Variants in LATS2 observed in about 807,000 individuals in gnomAD.
LATS2 encodes large tumor suppressor kinase 2.
A neutral mutation model predicts 76.0 loss-of-function variants in LATS2; 24 were observed. That is an observed-to-expected ratio of 0.32 (90% CI 0.23 to 0.44). LATS2 has a LOEUF of 0.44. Among genes scored for constraint, LATS2 ranks in the 20% least tolerant of loss-of-function variants. LATS2 has a pLI of 1.00. For missense variants in LATS2, 1,286 were observed against 1,481.2 expected (o/e 0.87, Z 2.16); for synonymous variants, 692 against 635.4 (o/e 1.09, Z -1.34).
intron 2 of LATS2, among the ~76,000 whole-genome samples, chr13:21,035,627 T>C (rs1173451794): frequency 6.6e-6 from 1 of 152,220 alleles, no homozygotes; most frequent in East Asian, 1.9e-4. Flanking sequence ...CAGTAAACGT[T>C]TGGTGTGACA....
chr13:21,043,867 C>A (rs17061778), intron 2 of LATS2, among the ~76,000 whole-genome samples: 3,687 of 152,230 alleles, frequency 0.024, 130 homozygotes, highest in African/African-American at 0.084. Context: ...TGGTTTGCCT[C>A]CTTTGTCTGC....
intron 2 of LATS2, among the ~76,000 whole-genome samples, chr13:21,031,796 A>T (rs898587765): frequency 6.6e-6 from 1 of 152,148 alleles, no homozygotes; most frequent in African/African-American, 2.4e-5. Context: ...GGAAGGCTGC[A>T]GTGAGCTGTG....
At chr13:20,995,946 A>G (rs375374336) in intron 2 of LATS2, among the ~76,000 whole-genome samples, 2 of 152,260 alleles carry the variant, frequency 1.3e-5, no homozygotes, top group African/African-American at 4.8e-5. Flanking sequence ...ACGTGCAACA[A>G]GAAAATCCCT....
intron 2 of LATS2, among the ~76,000 whole-genome samples, chr13:21,016,967 G>A (rs1871824907): frequency 6.6e-6 from 1 of 152,122 alleles, no homozygotes; most frequent in Non-Finnish European, 1.5e-5. Context: ...ACATAAGAGG[G>A]ATTACAGCAT....
chr13:21,020,835 T>C (rs556277999), intron 2 of LATS2, among the ~76,000 whole-genome samples: 1 of 152,346 alleles, frequency 6.6e-6, no homozygotes, highest in East Asian at 1.9e-4. Flanking sequence ...CCTGCTGTCA[T>C]GTGGCACAGA....
At chr13:21,013,977 CAAA>C (rs199667500) in intron 2 of LATS2, among the ~76,000 whole-genome samples, 3,652 of 134,742 alleles carry the variant, frequency 0.027, 56 homozygotes, top group East Asian at 0.064. Flanking sequence ...AACTTGAAAA[CAAA>C]AGAAGAAGAA....
At chr13:21,036,625 T>G (rs1424122353) in intron 2 of LATS2, among the ~76,000 whole-genome samples, 1 of 151,758 alleles carries the variant, frequency 6.6e-6, no homozygotes, top group Non-Finnish European at 1.5e-5. Context: ...ATACAAAAAT[T>G]AGCCCGGCAT....
In LATS2 at chr13:20,973,643, T is replaced by C. The variant is rs1334789023; in HGVS notation, c.*1227A>G. On this transcript the variant is annotated 3_prime_UTR_variant, in exon 8 of 8. Coordinates refer to ENST00000382592, the MANE Select transcript of LATS2 (RefSeq NM_014572.3). ...TTTTTACAAAGGTTAGGAATATGTA[T>C]TGTTTAAACCAAGTTAAGATTTGAT... The C allele has an allele frequency of 1.7e-5, 4 of 231,628 alleles. No individual in the cohort carries two copies. The highest frequency in any genetic ancestry group is 8.8e-5 in the African/African-American group (4 of 45,230). 14.3% of individuals were successfully genotyped at this position (231,628 alleles called of 1,614,324 possible). A position where few individuals can be genotyped will look rare whatever the true frequency, so the allele number is the denominator to read the frequency against.
chr13:21,028,639 T>C (rs1025104172), intron 2 of LATS2, among the ~76,000 whole-genome samples: 12 of 152,184 alleles, frequency 7.9e-5, no homozygotes, highest in African/African-American at 2.7e-4. Flanking sequence ...AGCGCGATCT[T>C]GACTCACCGC....
At chr13:21,015,030 A>G (rs1871747895) in intron 2 of LATS2, among the ~76,000 whole-genome samples, 1 of 152,340 alleles carries the variant, frequency 6.6e-6, no homozygotes, top group South Asian at 2.1e-4. Flanking sequence ...GGTCCAACAC[A>G]TGGCCTGGCA....
chr13:21,038,420 C>T (rs1565962442), intron 2 of LATS2: 1 of 151,708 alleles, frequency 6.6e-6, no homozygotes, highest in Non-Finnish European at 1.5e-5. Context: ...CCAGGCTGGC[C>T]TTGAACTTAT....
chr13:20,974,849 G>A lies in LATS2; in HGVS notation c.*21C>T, dbSNP rs1167240658. The A allele has an allele frequency of 6.3e-7, 1 of 1,585,486 alleles. No individual in the cohort carries two copies. Among genetic ancestry groups the A allele is most frequent in the Non-Finnish European group, 8.6e-7 (1 of 1,165,188 alleles). ...ACCCTGACCTGGGAGGCAGCGAGTG[G>A]TGGGGGTGCCTGGCCCCCATCTACA... is the stretch of plus-strand genomic sequence containing the variant. On this transcript the variant is annotated 3_prime_UTR_variant, in exon 8 of 8. Coordinates refer to ENST00000382592, the MANE Select transcript of LATS2 (RefSeq NM_014572.3).
At chr13:21,003,065 C>A (rs943841589) in intron 2 of LATS2, among the ~76,000 whole-genome samples, 32 of 151,986 alleles carry the variant, frequency 2.1e-4, no homozygotes, top group Non-Finnish European at 3.7e-4. Flanking sequence ...AACTCAATTG[C>A]TGTTAAGATC....
chr13:21,007,695 ATATAGTATGTAT>A (rs1565952267), intron 2 of LATS2, among the ~76,000 whole-genome samples: 4 of 976 alleles, frequency 4.1e-3, no homozygotes, highest in African/African-American at 6.1e-3. Context: ...ATATATATAT[ATATAGTATGTAT>A]ATATATATAT....
chr13:21,004,364 G>A (rs1871175712), intron 2 of LATS2, among the ~76,000 whole-genome samples: 1 of 151,554 alleles, frequency 6.6e-6, no homozygotes, highest in East Asian at 2.0e-4. Context: ...AACCCAGGAG[G>A]TGGAGGTTGC....
chr13:20,990,203 G>C (rs1870444624), intron 3 of LATS2, among the ~76,000 whole-genome samples: 1 of 152,192 alleles, frequency 6.6e-6, no homozygotes, highest in African/African-American at 2.4e-5. Context: ...GGCAAGTGCA[G>C]AGGGAAATCA....
chr13:20,984,392 C>A (rs1870049487), intron 4 of LATS2, among the ~76,000 whole-genome samples: 1 of 152,162 alleles, frequency 6.6e-6, no homozygotes, highest in African/African-American at 2.4e-5. Context: ...ATTCCTAGAA[C>A]TCCAAGAGCC....
intron 3 of LATS2, among the ~76,000 whole-genome samples, chr13:20,989,983 C>G (rs1311470349): frequency 2.0e-5 from 3 of 152,208 alleles, no homozygotes; most frequent in African/African-American, 7.2e-5. Context: ...GACAAAGGTT[C>G]CTTTCATTTC....
At chr13:21,036,044 G>A (rs532224333) in intron 2 of LATS2, among the ~76,000 whole-genome samples, 26 of 152,278 alleles carry the variant, frequency 1.7e-4, no homozygotes, top group Non-Finnish European at 2.6e-4. Context: ...GACTACAAGC[G>A]TGTGACACCA....
Sources: allele counts gnomAD v4.1 joint callset (sites outside exome capture counted in the v4.1 genomes callset), GRCh38; gene constraint gnomAD v4.1.1; transcripts MANE v1.5; gene names NCBI Gene and HGNC (gene_info 2026-07-23, HGNC 2026-07-21).